Variants in ICA1L observed in about 807,000 individuals in gnomAD.
ICA1L encodes the protein islet cell autoantigen 1 like, also known as islet cell autoantigen 1-like protein.
Under a neutral mutation model 61.3 loss-of-function variants are expected in ICA1L, and 50 were observed. The observed-to-expected ratio is 0.82, with a 90% confidence interval of 0.65 to 1.03. The LOEUF is 1.03. Ranked by LOEUF, ICA1L falls within the 50% of genes least tolerant of loss-of-function variation. ICA1L has a pLI of 0.00. For synonymous variants in ICA1L, 161 were observed against 191.3 expected, an observed-to-expected ratio of 0.84 and a Z score of 1.31; for missense variants, 508 against 556.7, an observed-to-expected ratio of 0.91 and a Z score of 0.88.
At chr2:202,809,061 C>A (rs538995474) in intron 9 of ICA1L, among the ~76,000 whole-genome samples, 103 of 152,068 alleles carry the variant, frequency 6.8e-4, no homozygotes, top group African/African-American at 2.4e-3. Context: ...TACTAGTGAC[C>A]AATCCTGAAG....
intron 1 of ICA1L, among the ~76,000 whole-genome samples, chr2:202,853,354 C>CA (rs565006368): frequency 0.055 from 5,155 of 94,292 alleles, 318 homozygotes; most frequent in African/African-American, 0.18. Context: ...GAGACTCCGT[C>CA]AAAAAAAAAA....
chr2:202,856,720 A>T (rs1694780348), intron 1 of ICA1L, among the ~76,000 whole-genome samples: 1 of 152,228 alleles, frequency 6.6e-6, no homozygotes, highest in African/African-American at 2.4e-5. Context: ...ATGATTGTAC[A>T]TTTAGAAAAC....
rs908305025 is a variant in ICA1L at position 202,775,364 on chromosome 2, C to T, written c.*4169G>A. ...TTCCTGCCTTCAATAAGTCAGGTTACATACTATGGCTTATATTTAATTGTT... is the reference window on the plus strand; with the variant it reads ...TTCCTGCCTTCAATAAGTCAGGTTATATACTATGGCTTATATTTAATTGTT... On this transcript the variant is annotated 3_prime_UTR_variant, in exon 13 of 13. Transcript: ENST00000358299. 1.3e-5 allele frequency: 2 copies of T among 152,184 alleles called. No homozygotes were observed. Among genetic ancestry groups the T allele is most frequent in the African/African-American group, 4.8e-5 (2 of 41,434 alleles). The allele number at this position is 152,184 out of a possible 1,614,324, so 9.4% of individuals were successfully genotyped here. A position where few individuals can be genotyped will look rare whatever the true frequency, so the allele number is the denominator to read the frequency against.
At chr2:202,870,242 T>G (rs1687658074) in intron 1 of ICA1L, among the ~76,000 whole-genome samples, 1 of 152,170 alleles carries the variant, frequency 6.6e-6, no homozygotes, top group Admixed American at 6.5e-5. Context: ...AAACTTTGTT[T>G]TATATTTTTA....
chr2:202,789,165 T>G, intron 10 of ICA1L, 78 bp from the exon 11 acceptor site: 1 of 1,196,636 alleles, frequency 8.4e-7, no homozygotes, highest in South Asian at 1.4e-5. Context: ...GAATCAAATT[T>G]GTTTCATTGT....
chr2:202,831,857 C>A (rs987455198), intron 1 of ICA1L, among the ~76,000 whole-genome samples: 1 of 152,128 alleles, frequency 6.6e-6, no homozygotes, highest in African/African-American at 2.4e-5. Flanking sequence ...AGGCAGGAAG[C>A]CAAGTCTTAC....
intron 3 of ICA1L, among the ~76,000 whole-genome samples, chr2:202,823,876 T>C (rs1417181699): frequency 6.6e-6 from 1 of 152,224 alleles, no homozygotes; most frequent in Non-Finnish European, 1.5e-5. Context: ...TTTCTCCAAC[T>C]ACTTCCTTGG....
At chr2:202,787,961 G>GCT (rs1278087876) in intron 11 of ICA1L, among the ~76,000 whole-genome samples, 1 of 152,182 alleles carries the variant, frequency 6.6e-6, no homozygotes, top group Non-Finnish European at 1.5e-5. Context: ...CTCCATTACT[G>GCT]AACATCAGAA....
chr2:202,854,912 G>A (rs1694729898), intron 1 of ICA1L, among the ~76,000 whole-genome samples: 3 of 152,118 alleles, frequency 2.0e-5, no homozygotes, highest in Admixed American at 2.0e-4. Context: ...TGTAGTCCCA[G>A]CTACCTGGGA....
rs1241162849 is a variant in ICA1L, at chr2:202,776,235, C to T, written c.*3298G>A. ...CAAAAACATACAAAATTACACCAATCTGATCTTATTATGCCCTGGTATTCC... is the reference window on the plus strand; with the variant it reads ...CAAAAACATACAAAATTACACCAATTTGATCTTATTATGCCCTGGTATTCC... On this transcript the variant is annotated 3_prime_UTR_variant, in exon 13 of 13. Transcript: ENST00000358299. 1 of 151,828 alleles carries T rather than the reference C, an allele frequency of 6.6e-6. No individual in the cohort carries two copies. Among genetic ancestry groups the T allele is most frequent in the Non-Finnish European group, 1.5e-5 (1 of 68,034 alleles). The allele number at this position is 151,828 out of a possible 1,614,324, so 9.4% of individuals were successfully genotyped here.
chr2:202,815,234 A>C (rs1430923192), intron 7 of ICA1L, among the ~76,000 whole-genome samples: 1 of 152,260 alleles, frequency 6.6e-6, no homozygotes, highest in Non-Finnish European at 1.5e-5. Context: ...ATTCAAGGGT[A>C]TCTTTGGTGC....
chr2:202,794,405 T>TATGG (rs1692854072), intron 10 of ICA1L, among the ~76,000 whole-genome samples: 1 of 147,666 alleles, frequency 6.8e-6, no homozygotes, highest in African/African-American at 2.5e-5. Flanking sequence ...AGAAAGTAAG[T>TATGG]ATGGATGGAT....
At position 202,777,905 on chromosome 2, in the gene ICA1L, G is replaced by A. The variant is rs1356427110; in HGVS notation, c.*1628C>T. 1 of 145,114 alleles carries A rather than the reference G, an allele frequency of 6.9e-6. No individual in the cohort carries two copies. The highest frequency in any genetic ancestry group is 2.2e-4 in the South Asian group (1 of 4,520). The allele number at this position is 145,114 out of a possible 1,614,324, so 9.0% of individuals were successfully genotyped here. ...TTTTTTTTTTTTTTTTTTTGAGACGGAGTCTTGCTCTGTTGCCTAGGCTGG... is the reference window on the plus strand; with the variant it reads ...TTTTTTTTTTTTTTTTTTTGAGACGAAGTCTTGCTCTGTTGCCTAGGCTGG... On this transcript the variant is annotated 3_prime_UTR_variant, in exon 13 of 13. Transcript: ENST00000358299.
intron 1 of ICA1L, chr2:202,841,043 C>T: frequency 1.5e-6 from 1 of 656,268 alleles, no homozygotes; most frequent in South Asian, 1.4e-5. Context: ...TGTTCATGCA[C>T]AGCACCACAG....
intron 2 of ICA1L, among the ~76,000 whole-genome samples, chr2:202,828,614 T>C (rs1284286642): frequency 1.3e-5 from 2 of 152,228 alleles, no homozygotes; most frequent in African/African-American, 2.4e-5. Context: ...CCAGAGAAAC[T>C]ACTTTATTCA....
intron 1 of ICA1L, among the ~76,000 whole-genome samples, chr2:202,851,675 G>A (rs1003007331): frequency 7.2e-5 from 11 of 152,136 alleles, no homozygotes; most frequent in Non-Finnish European, 1.3e-4. Flanking sequence ...AGCACCTGTT[G>A]TTTCCTGAGT....
At chr2:202,824,984 G>T (rs1476485931) in intron 3 of ICA1L, among the ~76,000 whole-genome samples, 1 of 152,196 alleles carries the variant, frequency 6.6e-6, no homozygotes, top group East Asian at 1.9e-4. Context: ...GAGAAATTTG[G>T]TGGAGTGATG....
chr2:202,819,617 C>T, intron 5 of ICA1L, 84 bp downstream of exon 5: 2 of 1,088,918 alleles, frequency 1.8e-6, no homozygotes, highest in Non-Finnish European at 2.8e-6. Flanking sequence ...TACCAAAAAA[C>T]ATCTGAAATT....
rs1339612148 is a variant in ICA1L at position 202,821,501 on chromosome 2, G to A, written c.236-20C>T. The stretch of plus-strand genomic sequence containing the variant: ...ATATAACTAGGAAAAAAATTACAGT[G>A]TAGTTAATTGTTTCCTTTCATCATT... On this transcript the variant is annotated intron_variant, in intron 3 of 12. Coordinates refer to ENST00000358299, the MANE Select transcript of ICA1L (RefSeq NM_001288622.3). 6.4e-7 allele frequency: 1 copy of A among 1,563,954 alleles called. No individual in the cohort carries two copies. The highest frequency in any genetic ancestry group is 1.8e-5 in the Admixed American group (1 of 54,288).
Sources: gnomAD v4.1 joint callset for allele counts (sites outside exome capture counted in the v4.1 genomes callset) on GRCh38, gnomAD v4.1.1 for gene constraint, MANE v1.5 for transcripts, NCBI Gene and HGNC (gene_info 2026-07-23, HGNC 2026-07-21) for gene names.